Variants in PCDHA6 observed in about 807,000 individuals in gnomAD.
PCDHA6 encodes the protein protocadherin alpha-6.
A neutral mutation model predicts 60.3 loss-of-function variants in PCDHA6; 55 were observed. The ratio of observed to expected loss-of-function variants is 0.91; its 90% confidence interval spans 0.73 to 1.14. PCDHA6 has a LOEUF of 1.14. PCDHA6 is among the 50% of genes most tolerant of loss of function. PCDHA6 has a pLI of 0.00. For missense variants in PCDHA6, 1,327 were observed against 1,256.5 expected (o/e 1.06, Z -0.85); for synonymous variants, 652 against 557.9 (o/e 1.17, Z -2.38).
chr5:140,863,356 C>T (rs1554158132), intron 1 of PCDHA6: 1 of 1,255,152 alleles, frequency 8.0e-7, no homozygotes, highest in Non-Finnish European at 1.1e-6. Flanking sequence ...CACGACGCTG[C>T]GGTGCTTGGC....
At chr5:140,858,472 T>C in intron 1 of PCDHA6, 1 of 1,518,184 alleles carries the variant, frequency 6.6e-7, no homozygotes. Context: ...TTTTGTGCTT[T>C]ATGAATAATA....
chr5:140,971,778 G>T (rs1346530602), intron 1 of PCDHA6, among the ~76,000 whole-genome samples: 1 of 151,860 alleles, frequency 6.6e-6, no homozygotes, highest in Admixed American at 6.6e-5. Flanking sequence ...TATTATTCAA[G>T]ATTATTCAAT....
At chr5:140,910,095 C>T (rs1011405673) in intron 1 of PCDHA6, among the ~76,000 whole-genome samples, 1 of 152,188 alleles carries the variant, frequency 6.6e-6, no homozygotes, top group Non-Finnish European at 1.5e-5. Flanking sequence ...GAACCAGCCT[C>T]CCCTTCATTT....
At chr5:140,966,313 C>T (rs1349194825) in intron 1 of PCDHA6, 18 of 386,704 alleles carry the variant, frequency 4.7e-5, no homozygotes, top group African/African-American at 2.5e-4. Flanking sequence ...CGTGTTCCTG[C>T]GGTCCGCTGG....
In PCDHA6 at chr5:140,961,136, G is replaced by A. The variant is rs1474839905; in HGVS notation, c.2395-17813G>A. On this transcript the variant is annotated intron_variant, in intron 1 of 3. Coordinates refer to ENST00000529310, the MANE Select transcript of PCDHA6 (RefSeq NM_018909.4). ...TGCATCTTAATGTCTTGGCACTTAA[G>A]AGTTGGCATATTATTTCAGTACATA... is the stretch of plus-strand genomic sequence containing the variant. Among the ~76,000 whole-genome samples the A allele has an allele frequency of 3.9e-5, 6 of 152,270 alleles. No homozygotes were observed. The East Asian group carries it at 1.2e-3, about 29-fold the overall frequency.
chr5:140,857,059 G>A lies in PCDHA6; in HGVS notation c.2394+26574G>A. On this transcript the variant is annotated intron_variant, in intron 1 of 3. Transcript: ENST00000529310. The stretch of plus-strand genomic sequence containing the variant: ...TGGTTGGTCACTGCACGGTCCTAGT[G>A]GAACTACTGGATGAAAATGATAATT... The A allele has an allele frequency of 4.4e-6, 7 of 1,594,522 alleles. 2 individuals are homozygous for A. The highest frequency in any genetic ancestry group is 6.0e-6 in the Non-Finnish European group (7 of 1,164,610).
At position 140,856,335 on chromosome 5, in the gene PCDHA6, G is replaced by C; in HGVS notation, c.2394+25850G>C. ...CGGATTGACCGCGAGGAGCTGTGCG[G>C]GCGGAGCGTGGAGTGCAGCATCCAC... On this transcript the variant is annotated intron_variant, in intron 1 of 3. Transcript: ENST00000529310. 3 of 1,598,610 alleles carry C rather than the reference G, an allele frequency of 1.9e-6. 1 individual carries two copies. The highest frequency in any genetic ancestry group is 2.6e-6 in the Non-Finnish European group (3 of 1,168,024).
At chr5:140,975,553 G>T (rs990389718) in intron 1 of PCDHA6, among the ~76,000 whole-genome samples, 2 of 152,226 alleles carry the variant, frequency 1.3e-5, no homozygotes, top group Non-Finnish European at 2.9e-5. Context: ...TATTAGGAAG[G>T]AAAAGGAGAT....
intron 1 of PCDHA6, chr5:140,841,768 C>G: frequency 6.2e-7 from 1 of 1,613,936 alleles, no homozygotes; most frequent in South Asian, 1.1e-5. Flanking sequence ...GAATGCCAGA[C>G]TCTCGGTTTC....
chr5:140,877,320 C>G, intron 1 of PCDHA6: 1 of 1,613,972 alleles, frequency 6.2e-7, no homozygotes, highest in Non-Finnish European at 8.5e-7. Context: ...CGGCGGCGGT[C>G]GGCGCGCACA....
intron 1 of PCDHA6, chr5:140,842,580 C>T (rs1778108515): frequency 1.3e-6 from 2 of 1,517,648 alleles, no homozygotes; most frequent in African/African-American, 2.9e-5. Context: ...AGAGTGTCGG[C>T]CTATGAGTTG....
Position 141,010,090 on chromosome 5 carries a change from C to A in PCDHA6, c.*153C>A. On this transcript the variant is annotated 3_prime_UTR_variant, in exon 4 of 4. Transcript: ENST00000529310. ...AAGTTCCCTGTGTCTGTCTAGAACG[C>A]ATTTAACAGGTTTTGTCGTAAAAGC... 1 of 1,612,636 alleles carries A rather than the reference C, an allele frequency of 6.2e-7. No homozygotes were observed. Among genetic ancestry groups the A allele is most frequent in the Non-Finnish European group, 8.5e-7 (1 of 1,179,276 alleles).
chr5:140,894,584 T>G (rs1554186162), intron 1 of PCDHA6, among the ~76,000 whole-genome samples: 1 of 152,006 alleles, frequency 6.6e-6, no homozygotes, highest in Non-Finnish European at 1.5e-5. Flanking sequence ...TTTTAATATT[T>G]TACTGAGTTT....
chr5:140,936,593 C>T (rs1475903432), intron 1 of PCDHA6, among the ~76,000 whole-genome samples: 1 of 152,168 alleles, frequency 6.6e-6, no homozygotes, highest in African/African-American at 2.4e-5. Context: ...GTTAGATTGC[C>T]TACTTTCCTC....
chr5:140,952,977 C>T (rs148504111), intron 1 of PCDHA6, among the ~76,000 whole-genome samples: 2 of 152,182 alleles, frequency 1.3e-5, no homozygotes, highest in East Asian at 3.9e-4. Context: ...TTTTAAACAA[C>T]AAGATCTCAT....
intron 1 of PCDHA6, chr5:140,929,046 C>CT (rs1229193922): frequency 6.2e-7 from 1 of 1,614,206 alleles, no homozygotes; most frequent in Non-Finnish European, 8.5e-7. Flanking sequence ...CTCAGAGCTG[C>CT]TGTCGCTCTA....
At chr5:140,987,007 A>T (rs2097221901) in intron 3 of PCDHA6, among the ~76,000 whole-genome samples, 1 of 152,144 alleles carries the variant, frequency 6.6e-6, no homozygotes, top group Non-Finnish European at 1.5e-5. Context: ...TGAGGTCATG[A>T]GTTCGAGACC....
intron 1 of PCDHA6, among the ~76,000 whole-genome samples, chr5:140,954,414 G>A (rs1322356989): frequency 1.3e-5 from 2 of 152,010 alleles, no homozygotes; most frequent in Non-Finnish European, 2.9e-5. Flanking sequence ...GGGTAAAGGT[G>A]TTCCTTTTTC....
intron 1 of PCDHA6, chr5:140,842,727 C>A (rs1554139317): frequency 6.3e-7 from 1 of 1,594,926 alleles, no homozygotes; most frequent in East Asian, 2.2e-5. Flanking sequence ...GAGAACAACC[C>A]GCCGGGCTGC....
Sources: gnomAD v4.1 joint callset for allele counts (sites outside exome capture counted in the v4.1 genomes callset) on GRCh38, gnomAD v4.1.1 for gene constraint, MANE v1.5 for transcripts, NCBI Gene and HGNC (gene_info 2026-07-23, HGNC 2026-07-21) for gene names.